CCDC180: variants seen among roughly 807,000 people sequenced by gnomAD.
The protein encoded by CCDC180 is coiled-coil domain-containing protein 180.
A neutral mutation model predicts 209.2 loss-of-function variants in CCDC180; 154 were observed. The observed-to-expected ratio is 0.74, with a 90% CI of 0.65 to 0.84. The LOEUF (loss-of-function observed/expected upper bound fraction) is 0.84, where lower values mean the gene tolerates loss of function less well. CCDC180 is among the 40% of genes least tolerant of loss of function. The probability of loss-of-function intolerance (pLI) is 0.00; values close to 1 mark genes in which losing one functional copy is unlikely to be tolerated. For missense variants in CCDC180, 1,874 were observed against 1,997.3 expected (o/e 0.94, Z 1.18); for synonymous variants, 778 against 749.1 (o/e 1.04, Z -0.63).
intron 28 of CCDC180, chr9:97,363,538 C>A: frequency 1.9e-6 from 1 of 516,168 alleles, no homozygotes; most frequent in Non-Finnish European, 4.0e-6. Flanking sequence ...CTAGGGCTGC[C>A]AGATAAAAGA....
At position 97,330,523 on chromosome 9, in the gene CCDC180, C is replaced by T. The variant is rs544662477; in HGVS notation, c.2030C>T (p.Pro677Leu). 5 of 1,614,110 alleles carry T rather than the reference C, an allele frequency of 3.1e-6. No individual in the cohort carries two copies. In the East Asian group the frequency reaches 1.1e-4, roughly 36 times the overall value. Residue 677 changes from proline (P) to leucine (L), a missense_variant, in exon 18 of 37, where the codon CCA becomes CTA. Coordinates refer to ENST00000529487, the MANE Select transcript of CCDC180 (RefSeq NM_020893.6). Reference protein sequence around the residue: ...EEVLGQQKKSPLHAKMDESKE... With the variant: ...EEVLGQQKKSLLHAKMDESKE... ...GTGCTGGGGCAGCAGAAAAAATCTC[C>T]ACTGCATGCTAAGATGGATGAGTCC...
intron 8 of CCDC180, among the ~76,000 whole-genome samples, chr9:97,315,608 A>G (rs533264725): frequency 1.3e-5 from 2 of 152,324 alleles, no homozygotes; most frequent in Middle Eastern, 3.4e-3. Flanking sequence ...TGGCTGCCCA[A>G]AGGCACACTG....
chr9:97,348,124 G>T lies in CCDC180; in HGVS notation c.2674+635G>T, dbSNP rs867686824. 4.4e-3 allele frequency among the ~76,000 whole-genome samples: 660 copies of T among 149,260 alleles called. 5 individuals carry two copies. Among genetic ancestry groups the T allele is most frequent in the African/African-American group, 0.014 (595 of 41,304 alleles). On this transcript the variant is annotated intron_variant, in intron 20 of 36. Coordinates refer to ENST00000529487, the MANE Select transcript of CCDC180 (RefSeq NM_020893.6). Reference sequence around the variant, plus strand: ...TGGACTCTGTTAATGCGGGGCGGGGGGGGGGCATGTTTTCAGTAGGATCCT... The same window carrying T: ...TGGACTCTGTTAATGCGGGGCGGGGTGGGGGCATGTTTTCAGTAGGATCCT...
At chr9:97,337,433 G>A (rs1182175580) in intron 18 of CCDC180, among the ~76,000 whole-genome samples, 1 of 152,160 alleles carries the variant, frequency 6.6e-6, no homozygotes, top group Non-Finnish European at 1.5e-5. Context: ...TGTGGGTTTT[G>A]TCTTTGGTTC....
intron 14 of CCDC180, among the ~76,000 whole-genome samples, chr9:97,326,299 G>A (rs1833532419): frequency 6.6e-6 from 1 of 152,208 alleles, no homozygotes; most frequent in Non-Finnish European, 1.5e-5. Context: ...GTCTCCAGGG[G>A]GTCCCATCTG....
rs899789204 is a variant in CCDC180, at chr9:97,330,038, A to G, written c.1789-116A>G. On this transcript the variant is annotated intron_variant, in intron 16 of 36. Transcript: ENST00000529487. ...AACCAAGACCGCGCCACTGCACTCC[A>G]GCCTTGGCAACAGAGCCAGACTCCT... 4 of 880,032 alleles carry G rather than the reference A, an allele frequency of 4.5e-6. No homozygotes were observed. The African/African-American group carries it at 5.5e-5, about 12-fold the overall frequency. 54.5% of individuals were successfully genotyped at this position (880,032 alleles called of 1,614,324 possible).
intron 3 of CCDC180, among the ~76,000 whole-genome samples, chr9:97,310,830 G>A (rs534154130): frequency 6.6e-6 from 1 of 152,260 alleles, no homozygotes; most frequent in East Asian, 1.9e-4. Flanking sequence ...GCCCACCCAA[G>A]CCCAGACTCG....
At chr9:97,337,053 G>A (rs1180821908) in intron 18 of CCDC180, among the ~76,000 whole-genome samples, 1 of 152,194 alleles carries the variant, frequency 6.6e-6, no homozygotes, top group Non-Finnish European at 1.5e-5. Context: ...TCAGCTTAAG[G>A]AGATTTTGGA....
chr9:97,375,790 G>C lies in CCDC180; in HGVS notation c.4842+201G>C, dbSNP rs1219350714. ...ACGAGGACATTAATGTGGGTCTGAG[G>C]CGTGATCCCAATGCTGTGGGAGCCC... On this transcript the variant is annotated intron_variant, in intron 36 of 36. Transcript: ENST00000529487. The C allele has an allele frequency of 4.7e-6, 3 of 644,326 alleles. No individual in the cohort carries two copies. In the African/African-American group the frequency reaches 5.5e-5, roughly 12 times the overall value. The allele number at this position is 644,326 out of a possible 1,614,324, so 39.9% of individuals were successfully genotyped here.
At chr9:97,317,265 C>G in intron 9 of CCDC180, 37 bp downstream of exon 9, 2 of 1,487,188 alleles carry the variant, frequency 1.3e-6, no homozygotes, top group Non-Finnish European at 1.8e-6. Context: ...TCCAGCCCAC[C>G]AGGGGGGCTG....
At chr9:97,343,671 A>G in intron 19 of CCDC180, 108 bp downstream of exon 19, 1 of 859,156 alleles carries the variant, frequency 1.2e-6, no homozygotes, top group South Asian at 1.8e-5. Flanking sequence ...GGATAAAGAA[A>G]AAAATGTAGG....
intron 18 of CCDC180, among the ~76,000 whole-genome samples, chr9:97,337,308 A>G (rs545286008): frequency 1.1e-4 from 16 of 152,270 alleles, no homozygotes; most frequent in Non-Finnish European, 5.9e-5. Context: ...GTTTGTCATA[A>G]ATAGCTCTTA....
chr9:97,370,095 G>A lies in CCDC180; in HGVS notation c.4350+13G>A. The A allele has an allele frequency of 6.2e-7, 1 of 1,612,210 alleles. No homozygotes were observed. The highest frequency in any genetic ancestry group is 1.1e-5 in the South Asian group (1 of 90,828). On this transcript the variant is annotated intron_variant, in intron 32 of 36. Coordinates refer to ENST00000529487, the MANE Select transcript of CCDC180 (RefSeq NM_020893.6). ...GGAGAAAAGAAAGGTGAGGGCCCCA[G>A]GACCAGCCCTTCCACTCTAGGACCA...
chr9:97,315,895 A>G (rs947293416), intron 8 of CCDC180, among the ~76,000 whole-genome samples: 3 of 152,254 alleles, frequency 2.0e-5, no homozygotes, highest in Non-Finnish European at 4.4e-5. Flanking sequence ...CGATAGGGTC[A>G]CATCCCAGTA....
At chr9:97,343,724 C>CA (rs1399040455) in intron 19 of CCDC180, 161 bp downstream of exon 19, 7 of 617,914 alleles carry the variant, frequency 1.1e-5, no homozygotes, top group African/African-American at 3.7e-5. Flanking sequence ...TAAAAAATGG[C>CA]AAAATCCAGG....
chr9:97,317,024 G>A, intron 8 of CCDC180, 41 bp from the exon 9 acceptor site: 1 of 1,555,624 alleles, frequency 6.4e-7, no homozygotes. Context: ...ACCCGAGAGA[G>A]ACCCTGCCCT....
chr9:97,330,066 C>CAAAA (rs34372293), intron 16 of CCDC180, 88 bp from the exon 17 acceptor site: 227 of 581,780 alleles, frequency 3.9e-4, no homozygotes, highest in African/African-American at 2.3e-3. Context: ...AGACTCCTCT[C>CAAAA]AAAAAAAAAA....
In CCDC180 at chr9:97,349,282, G is replaced by A. The variant is rs1202884235; in HGVS notation, c.2846G>A (p.Arg949Lys). The A allele has an allele frequency of 1.3e-6, 2 of 1,536,566 alleles. No individual in the cohort carries two copies. The highest frequency in any genetic ancestry group is 2.7e-5 in the African/African-American group (2 of 73,166). Residue 949 changes from arginine (R) to lysine (K), a missense_variant, in exon 21 of 37, where the codon AGG becomes AAG. Arg to Lys is a conservative substitution (Grantham distance 26, BLOSUM62 2). Transcript: ENST00000529487. ...GAGCACATCTTCTTGAATGCCACCA[G>A]GAGCCAAAAGTAAGGGGTCCTGGGA... ...DMEHIFLNATRSQKLVTLSNT... is the reference protein window; with the variant it reads ...DMEHIFLNATKSQKLVTLSNT...
chr9:97,357,990 C>T (rs1826631521), intron 25 of CCDC180: 3 of 344,296 alleles, frequency 8.7e-6, no homozygotes, highest in African/African-American at 4.2e-5. Flanking sequence ...AGTCTGGCTT[C>T]CTCTGACCTC....
Sources: allele counts gnomAD v4.1 joint callset (sites outside exome capture counted in the v4.1 genomes callset), GRCh38; gene constraint gnomAD v4.1.1; transcripts MANE v1.5; gene names NCBI Gene and HGNC (gene_info 2026-07-23, HGNC 2026-07-21).